GALNT13: variants seen among roughly 807,000 people sequenced by gnomAD.
GALNT13 encodes the protein polypeptide N-acetylgalactosaminyltransferase 13.
Under a neutral mutation model 64.2 loss-of-function variants are expected in GALNT13, and 28 were observed. That is an observed-to-expected ratio of 0.44 (90% confidence interval 0.32 to 0.60). GALNT13 has a LOEUF of 0.60. Among genes scored for constraint, GALNT13 ranks in the 20% least tolerant of loss-of-function variants. GALNT13 has a pLI of 0.05. For synonymous variants in GALNT13, 214 were observed against 224.6 expected, an observed-to-expected ratio of 0.95 and a Z score of 0.42; for missense variants, 577 against 669.8, an observed-to-expected ratio of 0.86 and a Z score of 1.53.
chr2:153,417,190 G>A, the GALNT13 span, among the ~76,000 whole-genome samples: 1 of 152,148 alleles, frequency 6.6e-6, no homozygotes, highest in African/African-American at 2.4e-5. Flanking sequence ...TGCCAATAAT[G>A]TTCCAGGAAT....
chr2:153,432,501 G>C, the GALNT13 span, among the ~76,000 whole-genome samples: 1 of 152,148 alleles, frequency 6.6e-6, no homozygotes, highest in Admixed American at 6.6e-5. Context: ...TATTTGACCA[G>C]GAAATAAATT....
the GALNT13 span, among the ~76,000 whole-genome samples, chr2:153,808,112 G>A: frequency 6.6e-6 from 1 of 152,200 alleles, no homozygotes; most frequent in Admixed American, 6.5e-5. Flanking sequence ...ACTGTGATAG[G>A]CAGTTTAAAA....
At chr2:153,463,287 G>A in the GALNT13 span, among the ~76,000 whole-genome samples, 3 of 152,036 alleles carry the variant, frequency 2.0e-5, no homozygotes, top group Non-Finnish European at 4.4e-5. Flanking sequence ...ATCCAAGTGT[G>A]TATTAGGGAG....
intron 9 of GALNT13, among the ~76,000 whole-genome samples, chr2:154,329,782 T>G (rs1209662122): frequency 2.1e-5 from 3 of 143,512 alleles, no homozygotes; most frequent in Admixed American, 7.1e-5. Flanking sequence ...AGAGAGCTGG[T>G]TGTTAAAAAA....
chr2:153,453,400 A>G, the GALNT13 span, among the ~76,000 whole-genome samples: 1 of 152,220 alleles, frequency 6.6e-6, no homozygotes, highest in African/African-American at 2.4e-5. Context: ...TGGAATCCAT[A>G]AGGAACTTAA....
chr2:153,489,565 G>A, the GALNT13 span, among the ~76,000 whole-genome samples: 1,859 of 152,208 alleles, frequency 0.012, 14 homozygotes, highest in African/African-American at 0.023. Context: ...CACTGTTGCC[G>A]TATATCCAAG....
chr2:153,261,980 G>T, the GALNT13 span, among the ~76,000 whole-genome samples: 4 of 152,170 alleles, frequency 2.6e-5, no homozygotes, highest in African/African-American at 9.7e-5. Context: ...TTGGCTTAGG[G>T]ACTGTACAAA....
the GALNT13 span, among the ~76,000 whole-genome samples, chr2:153,723,017 A>C: frequency 1.6e-4 from 24 of 152,234 alleles, no homozygotes; most frequent in South Asian, 6.2e-4. Context: ...AGAATTTAGA[A>C]CAATATCCTT....
At chr2:153,258,491 A>G in the GALNT13 span, among the ~76,000 whole-genome samples, 1 of 152,176 alleles carries the variant, frequency 6.6e-6, no homozygotes, top group Non-Finnish European at 1.5e-5. Flanking sequence ...TCTTTCTTCT[A>G]CAAGTTTTGC....
intron 3 of GALNT13, among the ~76,000 whole-genome samples, chr2:154,006,612 G>A (rs933238725): frequency 2.7e-4 from 41 of 152,250 alleles, no homozygotes; most frequent in African/African-American, 8.7e-4. Context: ...AGAAAAACTG[G>A]TTAATATTTT....
chr2:153,926,007 T>C (rs891695510), intron 2 of GALNT13, among the ~76,000 whole-genome samples: 1 of 151,988 alleles, frequency 6.6e-6, no homozygotes, highest in Admixed American at 6.6e-5. Flanking sequence ...CAAACAAAGA[T>C]AGTTTGACTT....
intron 9 of GALNT13, among the ~76,000 whole-genome samples, chr2:154,323,487 T>A (rs1221739979): frequency 6.6e-6 from 1 of 152,144 alleles, no homozygotes; most frequent in African/African-American, 2.4e-5. Flanking sequence ...TTAATATGTA[T>A]ATTTTATTTG....
chr2:153,436,681 T>C, the GALNT13 span, among the ~76,000 whole-genome samples: 1 of 152,208 alleles, frequency 6.6e-6, no homozygotes, highest in Non-Finnish European at 1.5e-5. Flanking sequence ...GATATCCTCT[T>C]TATCATTTTT....
chr2:154,083,509 G>A (rs2105420321), intron 3 of GALNT13, among the ~76,000 whole-genome samples: 1 of 152,022 alleles, frequency 6.6e-6, no homozygotes, highest in Admixed American at 6.6e-5. Context: ...GGGCAGCATG[G>A]CCATTTTCAT....
the GALNT13 span, chr2:153,421,093 A>G: frequency 3.9e-6 from 1 of 256,762 alleles, no homozygotes; most frequent in South Asian, 5.1e-5. Context: ...TATTTACCAT[A>G]GTGAGAGTCA....
At chr2:153,539,472 C>G in the GALNT13 span, among the ~76,000 whole-genome samples, 1 of 151,844 alleles carries the variant, frequency 6.6e-6, no homozygotes, top group Non-Finnish European at 1.5e-5. Flanking sequence ...TTGCCCATGC[C>G]TATGTCCTCA....
At chr2:153,999,817 G>T (rs1014964222) in intron 3 of GALNT13, among the ~76,000 whole-genome samples, 2 of 151,962 alleles carry the variant, frequency 1.3e-5, no homozygotes, top group Non-Finnish European at 2.9e-5. Context: ...TATCAGGGTA[G>T]TGATGACCTT....
the GALNT13 span, among the ~76,000 whole-genome samples, chr2:153,380,527 C>CT: frequency 1.3e-5 from 2 of 151,328 alleles, no homozygotes; most frequent in East Asian, 3.9e-4. Flanking sequence ...TATGCAAATA[C>CT]TACAGCATTT....
At chr2:153,369,201 G>C in the GALNT13 span, among the ~76,000 whole-genome samples, 91 of 152,106 alleles carry the variant, frequency 6.0e-4, no homozygotes, top group Non-Finnish European at 8.5e-4. Context: ...GGAATTAAGA[G>C]CTTTTTTTAG....
Sources: allele counts gnomAD v4.1 joint callset (sites outside exome capture counted in the v4.1 genomes callset), GRCh38; gene constraint gnomAD v4.1.1; transcripts MANE v1.5; gene names NCBI Gene and HGNC (gene_info 2026-07-23, HGNC 2026-07-21).